CTNNA2: variants seen among roughly 807,000 people sequenced by gnomAD.
CTNNA2 encodes catenin alpha-2.
In CTNNA2, 42 loss-of-function variants were observed where a neutral mutation model predicts 101.0. The ratio of observed to expected loss-of-function variants is 0.42; its 90% CI spans 0.32 to 0.54. CTNNA2 has a LOEUF of 0.54. Ranked by LOEUF, CTNNA2 falls within the 20% of genes least tolerant of loss-of-function variation. The probability of loss-of-function intolerance (pLI) is 0.14; values close to 1 mark genes in which losing one functional copy is unlikely to be tolerated. For missense variants in CTNNA2, 871 were observed against 1,223.1 expected, an observed-to-expected ratio of 0.71 and a Z score of 4.29; for synonymous variants, 450 against 456.4, an observed-to-expected ratio of 0.99 and a Z score of 0.18.
intron 7 of CTNNA2, chr2:80,162,478 T>C: frequency 6.3e-7 from 1 of 1,599,644 alleles, no homozygotes; most frequent in Non-Finnish European, 8.5e-7. Context: ...ATTTTCCATC[T>C]CTGCTACTGT....
chr2:80,572,413 T>C (rs1694679727), intron 12 of CTNNA2, among the ~76,000 whole-genome samples: 1 of 152,168 alleles, frequency 6.6e-6, no homozygotes, highest in African/African-American at 2.4e-5. Flanking sequence ...GTTATATCCA[T>C]AGGGATAAAC....
At chr2:80,141,272 C>T (rs1018301726) in intron 7 of CTNNA2, among the ~76,000 whole-genome samples, 1 of 151,840 alleles carries the variant, frequency 6.6e-6, no homozygotes, top group African/African-American at 2.4e-5. Context: ...GTCTTTGTCT[C>T]GCGGAGGCCA....
chr2:79,939,940 A>C (rs1024011937), intron 7 of CTNNA2, among the ~76,000 whole-genome samples: 9 of 152,124 alleles, frequency 5.9e-5, no homozygotes, highest in Non-Finnish European at 1.3e-4. Flanking sequence ...TAAAAATACA[A>C]AATTAGCTGG....
chr2:79,217,364 T>C (rs1219354777), intron 2 of CTNNA2, among the ~76,000 whole-genome samples: 2 of 152,292 alleles, frequency 1.3e-5, no homozygotes, highest in African/African-American at 4.8e-5. Context: ...GCAATAAAGC[T>C]GTTTATTTCA....
intron 7 of CTNNA2, among the ~76,000 whole-genome samples, chr2:80,003,320 T>A (rs1249941975): frequency 6.6e-6 from 1 of 152,226 alleles, no homozygotes; most frequent in Admixed American, 6.5e-5. Flanking sequence ...TGATTCTGTT[T>A]TTTATATTAA....
In CTNNA2 at chr2:79,329,282, C is replaced by T. The variant is rs117116016; in HGVS notation, c.-318+16486C>T. On this transcript the variant is annotated intron_variant, in intron 3 of 21. Transcript: ENST00000466387. ...AGCACAGTTGTTCTGTTCCTAGAAACAACATAGATGGGCATCATGCTTACT... is the reference window on the plus strand; with the variant it reads ...AGCACAGTTGTTCTGTTCCTAGAAATAACATAGATGGGCATCATGCTTACT... Among the ~76,000 whole-genome samples the T allele has an allele frequency of 9.2e-3, 1,402 of 152,194 alleles. 36 individuals are homozygous for T. Among genetic ancestry groups the T allele is most frequent in the Admixed American group, 0.046 (699 of 15,276 alleles).
intron 1 of CTNNA2, among the ~76,000 whole-genome samples, chr2:79,624,003 G>A (rs536393261): frequency 3.3e-5 from 5 of 151,520 alleles, no homozygotes; most frequent in South Asian, 2.1e-4. Context: ...TCTCTCCCCC[G>A]TACAGTCTCT....
chr2:80,049,345 G>A (rs749927072), intron 7 of CTNNA2, among the ~76,000 whole-genome samples: 11 of 152,210 alleles, frequency 7.2e-5, no homozygotes, highest in Middle Eastern at 3.4e-3. Context: ...AAAGACGGCA[G>A]AACAACAGTC....
chr2:80,576,341 G>GGAGC (rs1695041249), intron 13 of CTNNA2: 1 of 146,416 alleles, frequency 6.8e-6, no homozygotes, highest in Non-Finnish European at 1.5e-5. Flanking sequence ...TCCCTTTTCT[G>GGAGC]TTGGAGCAAT....
intron 7 of CTNNA2, among the ~76,000 whole-genome samples, chr2:80,114,229 C>A (rs1701385120): frequency 6.6e-6 from 1 of 152,118 alleles, no homozygotes; most frequent in Admixed American, 6.5e-5. Flanking sequence ...CTCAGATATA[C>A]CCTCTTTTAT....
At chr2:79,282,720 G>A (rs1048834456) in intron 2 of CTNNA2, among the ~76,000 whole-genome samples, 13 of 140,274 alleles carry the variant, frequency 9.3e-5, no homozygotes, top group Non-Finnish European at 1.6e-4. Context: ...ATAAACATAC[G>A]TGTGCATGTG....
intron 7 of CTNNA2, among the ~76,000 whole-genome samples, chr2:80,087,319 C>G (rs1413264042): frequency 6.6e-6 from 1 of 152,032 alleles, no homozygotes; most frequent in African/African-American, 2.4e-5. Context: ...CAACTCCCAT[C>G]AAGTTGAATA....
intron 7 of CTNNA2, among the ~76,000 whole-genome samples, chr2:79,971,997 A>C (rs1690519626): frequency 6.6e-6 from 1 of 152,314 alleles, no homozygotes; most frequent in Admixed American, 6.5e-5. Context: ...ACACAAAGGC[A>C]GGAAATGCCA....
chr2:79,399,536 T>A (rs572018055), intron 4 of CTNNA2, among the ~76,000 whole-genome samples: 2 of 152,168 alleles, frequency 1.3e-5, no homozygotes, highest in African/African-American at 2.4e-5. Flanking sequence ...AGAAATATCA[T>A]AGACCACACA....
chr2:79,774,522 C>T (rs549085657), intron 3 of CTNNA2, among the ~76,000 whole-genome samples: 1 of 152,208 alleles, frequency 6.6e-6, no homozygotes, highest in South Asian at 2.1e-4. Context: ...CACTCTGGGC[C>T]AGGAGTGGAG....
intron 1 of CTNNA2, among the ~76,000 whole-genome samples, chr2:79,602,156 T>C (rs1223802485): frequency 6.6e-6 from 1 of 152,184 alleles, no homozygotes; most frequent in African/African-American, 2.4e-5. Flanking sequence ...AGAGACCATC[T>C]AGAGTTATAG....
At chr2:79,311,434 G>T (rs778819769) in intron 2 of CTNNA2, among the ~76,000 whole-genome samples, 1 of 136,908 alleles carries the variant, frequency 7.3e-6, no homozygotes, top group Non-Finnish European at 1.6e-5. Flanking sequence ...AAAAAAAGAG[G>T]TGATTAACTT....
At chr2:79,553,381 G>T (rs1301003356) in intron 1 of CTNNA2, among the ~76,000 whole-genome samples, 1 of 152,100 alleles carries the variant, frequency 6.6e-6, no homozygotes, top group African/African-American at 2.4e-5. Flanking sequence ...CCGTTACCTA[G>T]TTCCAAAGTT....
intron 12 of CTNNA2, among the ~76,000 whole-genome samples, chr2:80,571,748 A>G (rs1001768048): frequency 6.6e-6 from 1 of 152,070 alleles, no homozygotes; most frequent in African/African-American, 2.4e-5. Flanking sequence ...TATCCCACCC[A>G]GATGTACTGT....
Sources: gnomAD v4.1 joint callset for allele counts (sites outside exome capture counted in the v4.1 genomes callset) on GRCh38, gnomAD v4.1.1 for gene constraint, MANE v1.5 for transcripts, NCBI Gene and HGNC (gene_info 2026-07-23, HGNC 2026-07-21) for gene names.